GPHN: variants seen among roughly 807,000 people sequenced by gnomAD.
GPHN encodes gephyrin.
GPHN carries 17 observed loss-of-function variants against 95.5 expected under a neutral mutation model. The observed-to-expected ratio is 0.18, with a 90% CI of 0.12 to 0.27. The LOEUF (loss-of-function observed/expected upper bound fraction) is 0.27. Among genes scored for constraint, GPHN ranks in the 10% least tolerant of loss-of-function variants. The probability of loss-of-function intolerance (pLI) is 1.00; values close to 1 mark genes in which losing one functional copy is unlikely to be tolerated. For synonymous variants in GPHN, 320 were observed against 322.5 expected, an observed-to-expected ratio of 0.99 and a Z score of 0.08; for missense variants, 660 against 978.1, an observed-to-expected ratio of 0.67 and a Z score of 4.34.
At chr14:67,061,110 C>T (rs975843077) in intron 11 of GPHN, among the ~76,000 whole-genome samples, 1 of 152,006 alleles carries the variant, frequency 6.6e-6, no homozygotes, top group Non-Finnish European at 1.5e-5. Context: ...GGCACGATCT[C>T]GGTTCACGGC....
chr14:66,564,589 G>C (rs1270367125), intron 1 of GPHN, among the ~76,000 whole-genome samples: 1 of 152,148 alleles, frequency 6.6e-6, no homozygotes, highest in Non-Finnish European at 1.5e-5. Flanking sequence ...TTAAAGTATA[G>C]TCTTTTGCTT....
intron 2 of GPHN, among the ~76,000 whole-genome samples, chr14:66,771,935 T>A (rs1445300517): frequency 6.6e-6 from 1 of 152,094 alleles, no homozygotes; most frequent in Non-Finnish European, 1.5e-5. Flanking sequence ...ATCTAAACTT[T>A]TATTTCTCCT....
chr14:67,653,302 G>C, the GPHN span: 1 of 644,060 alleles, frequency 1.6e-6, no homozygotes, highest in Non-Finnish European at 2.8e-6. Context: ...TGGTCTGCTG[G>C]GTGGTACTGA....
chr14:67,385,627 G>T, the GPHN span: 1 of 149,932 alleles, frequency 6.7e-6, no homozygotes, highest in Non-Finnish European at 1.5e-5. Context: ...TAATGGCCAG[G>T]AAGAAATATG....
chr14:67,680,817 CA>C, the GPHN span, among the ~76,000 whole-genome samples: 10 of 152,162 alleles, frequency 6.6e-5, no homozygotes, highest in African/African-American at 2.4e-4. Context: ...TTGACATTTC[CA>C]GGGGGATTTT....
At chr14:67,049,990 C>T (rs1244343032) in intron 10 of GPHN, among the ~76,000 whole-genome samples, 1 of 152,150 alleles carries the variant, frequency 6.6e-6, no homozygotes, top group Non-Finnish European at 1.5e-5. Context: ...TTACAATACT[C>T]CTCCTTTGAG....
chr14:67,659,792 G>A, the GPHN span: 4 of 1,614,094 alleles, frequency 2.5e-6, no homozygotes, highest in South Asian at 3.3e-5. Flanking sequence ...TCCAGGTGTG[G>A]CTGTCAAAGG....
chr14:67,460,572 C>T, the GPHN span, among the ~76,000 whole-genome samples: 4 of 152,086 alleles, frequency 2.6e-5, no homozygotes, highest in East Asian at 1.9e-4. Flanking sequence ...GGCATGATGG[C>T]GCACACCTGT....
chr14:66,994,085 G>A (rs1045592287), intron 9 of GPHN, among the ~76,000 whole-genome samples: 65 of 152,178 alleles, frequency 4.3e-4, no homozygotes, highest in African/African-American at 1.4e-3. Flanking sequence ...AGAAAAAATG[G>A]CCAAGCGCAG....
At chr14:67,439,547 TTC>T in the GPHN span, among the ~76,000 whole-genome samples, 72 of 60,270 alleles carry the variant, frequency 1.2e-3, no homozygotes, top group African/African-American at 6.8e-3. Flanking sequence ...CTTTCTTTCT[TTC>T]TTTCTTTCTT....
chr14:66,940,661 A>G (rs1338494084), intron 8 of GPHN, among the ~76,000 whole-genome samples: 1 of 152,230 alleles, frequency 6.6e-6, no homozygotes, highest in Non-Finnish European at 1.5e-5. Flanking sequence ...AACTGGCAGG[A>G]ATCAGTCATG....
intron 3 of GPHN, among the ~76,000 whole-genome samples, chr14:66,783,924 G>A (rs753816334): frequency 7.9e-5 from 12 of 152,050 alleles, no homozygotes; most frequent in Admixed American, 2.6e-4. Flanking sequence ...TGCTAAAAAA[G>A]ATTAAATAGT....
intron 21 of GPHN, among the ~76,000 whole-genome samples, chr14:67,174,340 C>G (rs570542563): frequency 6.8e-6 from 1 of 146,240 alleles, no homozygotes; most frequent in African/African-American, 2.5e-5. Flanking sequence ...GTTTGGTTTT[C>G]TGTCCTTGTG....
At chr14:67,365,890 A>G in the GPHN span, among the ~76,000 whole-genome samples, 1 of 152,120 alleles carries the variant, frequency 6.6e-6, no homozygotes, top group Non-Finnish European at 1.5e-5. Flanking sequence ...TAGATGATAC[A>G]TAGATTTTGA....
chr14:67,554,875 G>C, the GPHN span, among the ~76,000 whole-genome samples: 3 of 152,166 alleles, frequency 2.0e-5, no homozygotes, highest in Non-Finnish European at 2.9e-5. Context: ...TCAGCCTTGA[G>C]TGACATGCCT....
intron 8 of GPHN, among the ~76,000 whole-genome samples, chr14:66,949,206 T>A (rs1325728126): frequency 6.6e-6 from 1 of 152,164 alleles, no homozygotes; most frequent in African/African-American, 2.4e-5. Flanking sequence ...TGCCTCAGCC[T>A]CCCAAGTAGT....
the GPHN span, among the ~76,000 whole-genome samples, chr14:67,422,826 CTT>C: frequency 6.8e-3 from 786 of 115,794 alleles, 4 homozygotes; most frequent in African/African-American, 0.025. Flanking sequence ...CTTTCCCCAT[CTT>C]TTTTTTTTTT....
At chr14:67,092,794 TA>T (rs1246383007) in intron 12 of GPHN, among the ~76,000 whole-genome samples, 1 of 152,072 alleles carries the variant, frequency 6.6e-6, no homozygotes, top group African/African-American at 2.4e-5. Context: ...AAGATAAAAG[TA>T]GATAAAATAA....
At chr14:66,839,535 T>C (rs2061991715) in intron 4 of GPHN, among the ~76,000 whole-genome samples, 1 of 152,230 alleles carries the variant, frequency 6.6e-6, no homozygotes, top group African/African-American at 2.4e-5. Context: ...ATTTTTTAAA[T>C]ACTCTTTTTT....
Sources: allele counts gnomAD v4.1 joint callset (sites outside exome capture counted in the v4.1 genomes callset), GRCh38; gene constraint gnomAD v4.1.1; transcripts MANE v1.5; gene names NCBI Gene and HGNC (gene_info 2026-07-23, HGNC 2026-07-21).